Variants in PKP1 observed in about 807,000 individuals in gnomAD.
PKP1 encodes plakophilin-1.
A neutral mutation model predicts 76.4 loss-of-function variants in PKP1; 27 were observed. The ratio of observed to expected loss-of-function variants is 0.35; its 90% CI spans 0.26 to 0.49. The LOEUF is 0.49. Among genes scored for constraint, PKP1 ranks in the 20% least tolerant of loss-of-function variants. The probability of loss-of-function intolerance (pLI) is 0.99; values close to 1 mark genes in which losing one functional copy is unlikely to be tolerated. For synonymous variants in PKP1, 404 were observed against 384.2 expected (o/e 1.05, Z -0.60); for missense variants, 964 against 955.2 (o/e 1.01, Z -0.12).
In PKP1 at chr1:201,294,202, C is replaced by G. The variant is rs1779301; in HGVS notation, c.306+157C>G. 0.14 allele frequency among the ~76,000 whole-genome samples: 21,395 copies of G among 152,202 alleles called. 1,927 individuals are homozygous for G. Among genetic ancestry groups the G allele is most frequent in the Non-Finnish European group, 0.2 (13,621 of 67,978 alleles). On this transcript the variant is annotated intron_variant, in intron 2 of 13. Transcript: ENST00000367324. ...ACTCTGACTAGGTCTGTTGACTTGGCCATTGTTTCATAGGTGGCTCTCGTT... is the reference window on the plus strand; with the variant it reads ...ACTCTGACTAGGTCTGTTGACTTGGGCATTGTTTCATAGGTGGCTCTCGTT...
intron 2 of PKP1, among the ~76,000 whole-genome samples, chr1:201,311,891 C>T (rs1195359370): frequency 6.6e-6 from 1 of 152,234 alleles, no homozygotes. Context: ...TGGGAAAGTC[C>T]TCCTCGGACA....
intron 2 of PKP1, among the ~76,000 whole-genome samples, chr1:201,295,053 G>A (rs997708700): frequency 6.6e-6 from 1 of 151,840 alleles, no homozygotes; most frequent in Non-Finnish European, 1.5e-5. Context: ...TGTCAGATGG[G>A]GATTAAAGGC....
At chr1:201,291,104 G>C (rs909113712) in intron 1 of PKP1, among the ~76,000 whole-genome samples, 2 of 152,164 alleles carry the variant, frequency 1.3e-5, no homozygotes, top group Non-Finnish European at 2.9e-5. Context: ...GGCACACTGC[G>C]AGCTGTGATT....
intron 1 of PKP1, among the ~76,000 whole-genome samples, chr1:201,288,735 C>A (rs1032070472): frequency 1.3e-5 from 2 of 152,160 alleles, no homozygotes; most frequent in Non-Finnish European, 2.9e-5. Flanking sequence ...CTCTAACCCA[C>A]CACCCTGCCC....
At chr1:201,323,262 T>C in intron 9 of PKP1, 73 bp downstream of exon 9, 1 of 1,443,050 alleles carries the variant, frequency 6.9e-7, no homozygotes, top group South Asian at 1.1e-5. Flanking sequence ...GCTCCCTCCT[T>C]TTCCCCCCAG....
At chr1:201,301,579 T>C (rs12078022) in intron 2 of PKP1, among the ~76,000 whole-genome samples, 2,238 of 152,230 alleles carry the variant, frequency 0.015, 56 homozygotes, top group African/African-American at 0.052. Flanking sequence ...AATTCTGTCT[T>C]CTCCGGAGAA....
chr1:201,284,785 C>G (rs1296207344), intron 1 of PKP1, among the ~76,000 whole-genome samples: 1 of 152,110 alleles, frequency 6.6e-6, no homozygotes, highest in Non-Finnish European at 1.5e-5. Context: ...GGAAATCCCC[C>G]CGGGCCCCAG....
At chr1:201,286,708 C>A (rs1353279896) in intron 1 of PKP1, among the ~76,000 whole-genome samples, 1 of 152,142 alleles carries the variant, frequency 6.6e-6, no homozygotes. Context: ...CTTGAACTGC[C>A]CCTGAAGTAT....
At chr1:201,316,093 CGGATGGATGGACAGATGGAT>C in intron 3 of PKP1, 1 of 160,508 alleles carries the variant, frequency 6.2e-6, no homozygotes, top group East Asian at 1.8e-4. Flanking sequence ...GACAGACGGA[CGGATGGATGGACAGATGGAT>C]GGACGGATGG....
intron 7 of PKP1, among the ~76,000 whole-genome samples, chr1:201,321,655 C>T (rs1310573303): frequency 6.6e-6 from 1 of 152,094 alleles, no homozygotes; most frequent in African/African-American, 2.4e-5. Context: ...CACACTAGGC[C>T]CTGTGATAAG....
chr1:201,294,900 C>T (rs931615668), intron 2 of PKP1, among the ~76,000 whole-genome samples: 3 of 152,232 alleles, frequency 2.0e-5, no homozygotes, highest in African/African-American at 7.2e-5. Flanking sequence ...GAATTTTCTG[C>T]TGCTCTAAAG....
intron 2 of PKP1, among the ~76,000 whole-genome samples, chr1:201,298,625 G>C (rs974279115): frequency 1.2e-4 from 19 of 152,322 alleles, no homozygotes; most frequent in Non-Finnish European, 1.0e-4. Context: ...GAATCACTCA[G>C]TTAAATCCAG....
Position 201,317,916 on chromosome 1 carries a change from C to T in PKP1, c.1054+137C>T, listed in dbSNP as rs1656812681. 13 of 855,770 alleles carry T rather than the reference C, an allele frequency of 1.5e-5. No individual in the cohort carries two copies. In the South Asian group the frequency reaches 1.9e-4, roughly 12 times the overall value. 53.0% of individuals were successfully genotyped at this position (855,770 alleles called of 1,614,324 possible). A position where few individuals can be genotyped will look rare whatever the true frequency, so the allele number is the denominator to read the frequency against. ...TGCAGATTTGGCCCAGGGCTAATAT[C>T]CTGAGAGTTTAGTGACACTGGCCTT... On this transcript the variant is annotated intron_variant, in intron 5 of 13. Transcript: ENST00000367324.
At chr1:201,321,089 C>G (rs1772828) in intron 7 of PKP1, among the ~76,000 whole-genome samples, 1 of 152,138 alleles carries the variant, frequency 6.6e-6, no homozygotes, top group African/African-American at 2.4e-5. Flanking sequence ...CGCCAGGGAA[C>G]GGGCTGACAT....
chr1:201,313,332 A>G lies in PKP1; in HGVS notation c.473A>G (p.Asp158Gly), dbSNP rs1464389205. Residue 158 changes from aspartate (D) to glycine (G), a missense_variant, in exon 3 of 14, where the codon GAC becomes GGC. Coordinates refer to ENST00000367324, the MANE Select transcript of PKP1 (RefSeq NM_001005337.3). The stretch of plus-strand genomic sequence containing the variant: ...ATCAAGGCGAGCCGCAGTGAGCCCG[A>G]CCTCTACTGTGACCCACGGGGCACC... ...QKIKASRSEP[D>G]LYCDPRGTLR... 1 of 1,591,442 alleles carries G rather than the reference A, an allele frequency of 6.3e-7. No individual in the cohort carries two copies. Among genetic ancestry groups the G allele is most frequent in the African/African-American group, 1.3e-5 (1 of 74,714 alleles).
In PKP1 at chr1:201,319,296, G is replaced by C. The variant is rs370079902; in HGVS notation, c.1232+501G>C. Among the ~76,000 whole-genome samples the C allele has an allele frequency of 1.1e-4, 17 of 152,330 alleles. 1 individual carries two copies. In the East Asian group the frequency reaches 3.3e-3, roughly 29 times the overall value. ...GTGTGGCAAAGCCCCTGTGGGGCTG[G>C]TGGGAGGGCTTGTTCTAGAAGCAGT... On this transcript the variant is annotated intron_variant, in intron 6 of 13. Transcript: ENST00000367324.
rs368748415 is a variant in PKP1 at position 201,283,683 on chromosome 1, G to C, written c.-20G>C. On this transcript the variant is annotated 5_prime_UTR_variant, in exon 1 of 14. Coordinates refer to ENST00000367324, the MANE Select transcript of PKP1 (RefSeq NM_001005337.3). ...CTGCTCTCCTAGGCCCCGGCCGCGC[G>C]CCACCCGCCTCCCGCCACCATGAAC... The C allele has an allele frequency of 1.2e-6, 2 of 1,609,076 alleles. No homozygotes were observed. Among genetic ancestry groups the C allele is most frequent in the Admixed American group, 3.4e-5 (2 of 59,666 alleles).
chr1:201,324,834 T>A lies in PKP1; in HGVS notation c.1835-107T>A. On this transcript the variant is annotated intron_variant, in intron 10 of 13. Coordinates refer to ENST00000367324, the MANE Select transcript of PKP1 (RefSeq NM_001005337.3). ...CAGGAAGCCCTGAGGGCCACCTGGC[T>A]CAGAGCCCGGCAGAAGGCTATCGAA... 3 of 1,239,314 alleles carry A rather than the reference T, an allele frequency of 2.4e-6. No individual in the cohort carries two copies. In the South Asian group the frequency reaches 4.1e-5, roughly 17 times the overall value. The allele number at this position is 1,239,314 out of a possible 1,614,324, so 76.8% of individuals were successfully genotyped here. A position where few individuals can be genotyped will look rare whatever the true frequency, so the allele number is the denominator to read the frequency against.
chr1:201,293,873 T>C (rs1655997599), intron 1 of PKP1, 69 bp from the exon 2 acceptor site: 2 of 996,846 alleles, frequency 2.0e-6, no homozygotes, highest in South Asian at 2.7e-5. Flanking sequence ...GCAGAAGTGA[T>C]GCCCTGAGGA....
Sources: allele counts gnomAD v4.1 joint callset (sites outside exome capture counted in the v4.1 genomes callset), GRCh38; gene constraint gnomAD v4.1.1; transcripts MANE v1.5; gene names NCBI Gene and HGNC (gene_info 2026-07-23, HGNC 2026-07-21).